PHKB: variants seen among roughly 807,000 people sequenced by gnomAD.
PHKB encodes the protein phosphorylase kinase regulatory subunit beta.
PHKB carries 122 observed loss-of-function variants against 152.1 expected under a neutral mutation model. That is an observed-to-expected ratio of 0.80 (90% confidence interval 0.69 to 0.93). The LOEUF (loss-of-function observed/expected upper bound fraction) is 0.93, where lower values mean the gene tolerates loss of function less well. Among genes scored for constraint, PHKB ranks in the 40% least tolerant of loss-of-function variants. The pLI is 0.00. For synonymous variants in PHKB, 436 were observed against 464.9 expected (o/e 0.94, Z 0.80); for missense variants, 1,304 against 1,328.4 (o/e 0.98, Z 0.29).
Position 47,671,989 on chromosome 16 carries a change from T to C in PHKB, c.2630+2572T>C, listed in dbSNP as rs139922648. On this transcript the variant is annotated intron_variant, in intron 26 of 30. Transcript: ENST00000323584. ...ATACCATACATATATCTGTGTAATG[T>C]ATGTGTGCAAAAGTATCTGAAAAAT... Among the ~76,000 whole-genome samples, 996 of 152,246 alleles carry C rather than the reference T, an allele frequency of 6.5e-3. 14 individuals are homozygous for C. Among genetic ancestry groups the C allele is most frequent in the South Asian group, 0.046 (221 of 4,822 alleles).
intron 2 of PHKB, among the ~76,000 whole-genome samples, chr16:47,497,882 G>T (rs1480899300): frequency 2.0e-5 from 3 of 152,168 alleles, no homozygotes; most frequent in Non-Finnish European, 4.4e-5. Flanking sequence ...AATTCATTGA[G>T]ATACAAGAGA....
intron 14 of PHKB, among the ~76,000 whole-genome samples, chr16:47,635,632 C>G (rs1410052134): frequency 1.3e-5 from 2 of 152,148 alleles, no homozygotes; most frequent in African/African-American, 4.8e-5. Flanking sequence ...TGAGCAGGAT[C>G]ATTGCTGGAG....
chr16:47,593,924 A>G (rs1972074875), intron 11 of PHKB, among the ~76,000 whole-genome samples: 1 of 152,230 alleles, frequency 6.6e-6, no homozygotes, highest in Non-Finnish European at 1.5e-5. Context: ...ATTAAAATTC[A>G]GTTTTCAATT....
chr16:47,476,509 G>A (rs1172727686), intron 1 of PHKB, among the ~76,000 whole-genome samples: 1 of 151,988 alleles, frequency 6.6e-6, no homozygotes, highest in Non-Finnish European at 1.5e-5. Context: ...GATCTATCAG[G>A]ATGTAAGGTT....
At chr16:47,582,193 T>C (rs1322354653) in intron 8 of PHKB, among the ~76,000 whole-genome samples, 2 of 152,212 alleles carry the variant, frequency 1.3e-5, no homozygotes, top group African/African-American at 4.8e-5. Flanking sequence ...TGAGTGTCTC[T>C]TGGTTGGCTG....
At chr16:47,569,568 T>G (rs1971623634) in intron 7 of PHKB, among the ~76,000 whole-genome samples, 1 of 152,178 alleles carries the variant, frequency 6.6e-6, no homozygotes, top group Admixed American at 6.5e-5. Flanking sequence ...CCTAGTTGCT[T>G]TGTTTTCTTT....
chr16:47,654,728 C>G (rs1233787569), intron 20 of PHKB, among the ~76,000 whole-genome samples: 10 of 149,424 alleles, frequency 6.7e-5, no homozygotes, highest in African/African-American at 2.5e-4. Context: ...CACATGTTCT[C>G]ACTCATAGGT....
intron 16 of PHKB, among the ~76,000 whole-genome samples, chr16:47,642,075 G>C (rs1032226258): frequency 6.6e-6 from 1 of 151,484 alleles, no homozygotes; most frequent in African/African-American, 2.4e-5. Context: ...CTTACATTTT[G>C]ATTTGGTTTT....
chr16:47,693,508 G>A lies in PHKB; in HGVS notation c.2895+1G>A, dbSNP rs1191733811. The A allele has an allele frequency of 6.2e-7, 1 of 1,613,938 alleles. No homozygotes were observed. ...TGTTGCTGGGAAGCATTTGCCTCAG[G>A]TAAAGCCCCACCATGTTCACATAAA... is the stretch of plus-strand genomic sequence containing the variant. On this transcript the variant is annotated splice_donor_variant, in intron 28 of 30. Coordinates refer to ENST00000323584, the MANE Select transcript of PHKB (RefSeq NM_000293.3). LOFTEE classifies it high-confidence loss of function.
chr16:47,593,207 G>GAGAA (rs1303434496), intron 10 of PHKB, among the ~76,000 whole-genome samples: 1 of 136,798 alleles, frequency 7.3e-6, no homozygotes, highest in East Asian at 2.6e-4. Flanking sequence ...GAGAGAGAGG[G>GAGAA]AGAAAGAAAG....
At chr16:47,463,148 T>C (rs1266547812) in intron 1 of PHKB, 2 of 152,646 alleles carry the variant, frequency 1.3e-5, no homozygotes, top group Admixed American at 1.3e-4. Flanking sequence ...TCTCTTTAAC[T>C]TTCATAAGCT....
chr16:47,692,843 C>G (rs911344551), intron 27 of PHKB, among the ~76,000 whole-genome samples: 1 of 152,016 alleles, frequency 6.6e-6, no homozygotes, highest in Non-Finnish European at 1.5e-5. Context: ...TTAGCTATGT[C>G]TAAATAGCAA....
intron 4 of PHKB, among the ~76,000 whole-genome samples, chr16:47,508,586 C>T (rs1970458761): frequency 6.6e-6 from 1 of 152,016 alleles, no homozygotes; most frequent in Non-Finnish European, 1.5e-5. Flanking sequence ...TGACAAAATA[C>T]TCAATTACCT....
At chr16:47,640,940 C>A in intron 14 of PHKB, 95 bp from the exon 15 acceptor site, 1 of 1,181,608 alleles carries the variant, frequency 8.5e-7, no homozygotes, top group Non-Finnish European at 1.3e-6. Flanking sequence ...TAATGAACTG[C>A]TTAGAGATGG....
chr16:47,595,536 C>T (rs775597692), intron 12 of PHKB, among the ~76,000 whole-genome samples: 7 of 152,044 alleles, frequency 4.6e-5, no homozygotes, highest in African/African-American at 7.2e-5. Flanking sequence ...TTTTTCTCTT[C>T]GGTGATATTG....
intron 26 of PHKB, among the ~76,000 whole-genome samples, chr16:47,688,656 C>T (rs945018868): frequency 6.7e-6 from 1 of 149,500 alleles, no homozygotes; most frequent in African/African-American, 2.5e-5. Context: ...TCTTGAAATG[C>T]ATTGTTTCTC....
chr16:47,696,314 A>G, intron 28 of PHKB, 67 bp from the exon 29 acceptor site: 1 of 833,768 alleles, frequency 1.2e-6, no homozygotes, highest in Non-Finnish European at 2.1e-6. Flanking sequence ...AGAAAATGAA[A>G]TTCTTCTATT....
intron 6 of PHKB, among the ~76,000 whole-genome samples, chr16:47,543,236 CT>C (rs1971094644): frequency 6.6e-6 from 1 of 152,074 alleles, no homozygotes; most frequent in African/African-American, 2.4e-5. Context: ...TGTCAAAGGC[CT>C]TTTCTGCATC....
intron 14 of PHKB, among the ~76,000 whole-genome samples, chr16:47,639,548 A>G (rs1972980256): frequency 6.6e-6 from 1 of 152,168 alleles, no homozygotes; most frequent in Non-Finnish European, 1.5e-5. Flanking sequence ...CAGCCATCTG[A>G]TAGTCCCCTA....
Sources: allele counts gnomAD v4.1 joint callset (sites outside exome capture counted in the v4.1 genomes callset), GRCh38; gene constraint gnomAD v4.1.1; transcripts MANE v1.5; gene names NCBI Gene and HGNC (gene_info 2026-07-23, HGNC 2026-07-21).